Variants in ACTR3 observed in about 807,000 individuals in gnomAD.
The protein encoded by ACTR3 is actin-related protein 3.
In ACTR3, 12 loss-of-function variants were observed where a neutral mutation model predicts 56.8. That is an observed-to-expected ratio of 0.21 (90% confidence interval 0.14 to 0.34). ACTR3 has a LOEUF of 0.34. Ranked by LOEUF, ACTR3 falls within the 10% of genes least tolerant of loss-of-function variation. The probability of loss-of-function intolerance (pLI) is 1.00; values close to 1 mark genes in which losing one functional copy is unlikely to be tolerated. For missense variants in ACTR3, 282 were observed against 512.5 expected, an observed-to-expected ratio of 0.55 and a Z score of 4.34; for synonymous variants, 162 against 167.4, an observed-to-expected ratio of 0.97 and a Z score of 0.25.
chr2:113,929,038 A>G (rs1486128008), intron 4 of ACTR3, among the ~76,000 whole-genome samples: 1 of 151,842 alleles, frequency 6.6e-6, no homozygotes, highest in African/African-American at 2.4e-5. Context: ...TATACTGGTG[A>G]TTTGTTGCTT....
At chr2:113,895,660 T>C (rs763699252) in intron 1 of ACTR3, among the ~76,000 whole-genome samples, 4 of 152,176 alleles carry the variant, frequency 2.6e-5, no homozygotes, top group Non-Finnish European at 4.4e-5. Context: ...TAGGAAAAGA[T>C]TGGTTTTTTC....
intron 1 of ACTR3, among the ~76,000 whole-genome samples, chr2:113,903,585 G>T (rs922293220): frequency 6.7e-6 from 1 of 149,956 alleles, no homozygotes; most frequent in Non-Finnish European, 1.5e-5. Context: ...TGCTGGGCTA[G>T]AGTGCAGTAG....
chr2:113,930,290 G>T (rs1386778735), intron 4 of ACTR3, among the ~76,000 whole-genome samples: 2 of 151,898 alleles, frequency 1.3e-5, no homozygotes, highest in Non-Finnish European at 2.9e-5. Context: ...AACACCACAG[G>T]GAGTTTAGCT....
At chr2:113,931,534 T>A in intron 5 of ACTR3, 138 bp downstream of exon 5, 1 of 450,210 alleles carries the variant, frequency 2.2e-6, no homozygotes, top group Non-Finnish European at 3.9e-6. Context: ...CTCTCCTGAA[T>A]TGTTAATTTA....
Position 113,935,035 on chromosome 2 carries a change from C to CTT in ACTR3, c.540+662_540+663dup, listed in dbSNP as rs74265859. Among the ~76,000 whole-genome samples, 6 of 142,976 alleles carry CTT rather than the reference C, an allele frequency of 4.2e-5. No individual in the cohort carries two copies. The East Asian group carries it at 8.0e-4, about 19-fold the overall frequency. 93.8% of individuals were successfully genotyped at this position (142,976 alleles called of 152,430 possible). A position where few individuals can be genotyped will look rare whatever the true frequency, so the allele number is the denominator to read the frequency against. Reference sequence around the variant, plus strand: ...ACTTAAGGATTTACATTATTTTGAACTTTTTTTTTTTTTTATTCTCACTCC... The same window carrying CTT: ...ACTTAAGGATTTACATTATTTTGAACTTTTTTTTTTTTTTTTATTCTCACTCC... On this transcript the variant is annotated intron_variant, in intron 6 of 11. Transcript: ENST00000263238.
At position 113,931,312 on chromosome 2, in the gene ACTR3, A is replaced by G. The variant is rs1574370985; in HGVS notation, c.348A>G (p.Pro116=). ...ATTTATTTCAATAGACTGAACCTCCATTGAATACTCCAGAAAACAGGGAAT... is the reference window on the plus strand; with the variant it reads ...ATTTATTTCAATAGACTGAACCTCCGTTGAATACTCCAGAAAACAGGGAAT... ...EDHYFLLTEP[P]LNTPENREYT... is the part of the protein sequence containing the mutation. The change falls in exon 5 of 12, where the codon CCA becomes CCG. Residue 116 remains proline (P), a synonymous_variant. Transcript: ENST00000263238. The G allele has an allele frequency of 2.5e-6, 4 of 1,574,386 alleles. No individual in the cohort carries two copies. The highest frequency in any genetic ancestry group is 1.4e-5 in the African/African-American group (1 of 73,298).
chr2:113,939,141 A>C (rs1263117729), intron 6 of ACTR3, among the ~76,000 whole-genome samples: 1 of 151,096 alleles, frequency 6.6e-6, no homozygotes, highest in African/African-American at 2.4e-5. Flanking sequence ...CTCCTGCCTC[A>C]GCCTCCCGTG....
intron 1 of ACTR3, among the ~76,000 whole-genome samples, chr2:113,900,711 C>T (rs941723200): frequency 3.3e-5 from 5 of 152,172 alleles, no homozygotes; most frequent in Non-Finnish European, 7.3e-5. Context: ...AATGGTGGAA[C>T]AAGCATTCAG....
intron 1 of ACTR3, among the ~76,000 whole-genome samples, chr2:113,908,251 GTT>G (rs200328609): frequency 1.2e-4 from 17 of 136,662 alleles, no homozygotes; most frequent in South Asian, 6.9e-4. Flanking sequence ...GCTGTTAGCA[GTT>G]TTTTTTTTTT....
At chr2:113,905,024 G>GT (rs1679168280) in intron 1 of ACTR3, 1 of 152,052 alleles carries the variant, frequency 6.6e-6, no homozygotes, top group East Asian at 1.9e-4. Flanking sequence ...CTTTGGGTGT[G>GT]TTTTTGTAAA....
chr2:113,940,565 C>CT (rs943982593), intron 7 of ACTR3, among the ~76,000 whole-genome samples: 2 of 152,022 alleles, frequency 1.3e-5, no homozygotes, highest in Non-Finnish European at 2.9e-5. Flanking sequence ...AACATGAAGG[C>CT]TATCTAAAGT....
chr2:113,931,026 A>G (rs1456905210), intron 4 of ACTR3, among the ~76,000 whole-genome samples: 3 of 151,640 alleles, frequency 2.0e-5, no homozygotes, highest in Admixed American at 2.0e-4. Context: ...TCCCTGCTTC[A>G]TTTCTTTTTA....
chr2:113,902,561 C>T (rs1336270051), intron 1 of ACTR3, among the ~76,000 whole-genome samples: 1 of 151,524 alleles, frequency 6.6e-6, no homozygotes, highest in Non-Finnish European at 1.5e-5. Flanking sequence ...ATATATTTAA[C>T]TTGTTTCTCT....
At chr2:113,945,457 C>G (rs896218339) in intron 8 of ACTR3, among the ~76,000 whole-genome samples, 1 of 152,080 alleles carries the variant, frequency 6.6e-6, no homozygotes, top group African/African-American at 2.4e-5. Context: ...TCTTTCTAGA[C>G]TCTCTTTTCT....
At chr2:113,956,049 C>A (rs2104633506) in intron 11 of ACTR3, among the ~76,000 whole-genome samples, 1 of 151,904 alleles carries the variant, frequency 6.6e-6, no homozygotes, top group South Asian at 2.1e-4. Flanking sequence ...TGCTCCTGGC[C>A]TTTATTATTA....
rs1276115386 is a variant in ACTR3, at chr2:113,962,186, A to T, written c.*4731A>T. ...CACTAGTTTCTACCTTAGAAGTGAC[A>T]TTCTGCGTAAGGTAGTGGGGGATTA... is the stretch of plus-strand genomic sequence containing the variant. On this transcript the variant is annotated 3_prime_UTR_variant, in exon 12 of 12. Coordinates refer to ENST00000263238, the MANE Select transcript of ACTR3 (RefSeq NM_005721.5). 6.6e-6 allele frequency: 1 copy of T among 152,004 alleles called. No homozygotes were observed. Among genetic ancestry groups the T allele is most frequent in the East Asian group, 1.9e-4 (1 of 5,200 alleles). The allele number at this position is 152,004 out of a possible 1,614,324, so 9.4% of individuals were successfully genotyped here.
At chr2:113,935,890 A>C (rs10209655) in intron 6 of ACTR3, among the ~76,000 whole-genome samples, 202 of 152,272 alleles carry the variant, frequency 1.3e-3, no homozygotes, top group African/African-American at 4.6e-3. Context: ...TCTTTTCTTA[A>C]CAGCTGCACA....
intron 1 of ACTR3, among the ~76,000 whole-genome samples, chr2:113,895,984 G>A (rs969129232): frequency 1.6e-4 from 25 of 151,990 alleles, no homozygotes; most frequent in African/African-American, 6.0e-4. Flanking sequence ...TCAGTCCCCC[G>A]AGTAGCTGGG....
intron 8 of ACTR3, among the ~76,000 whole-genome samples, chr2:113,949,866 A>G (rs2104627372): frequency 6.6e-6 from 1 of 152,242 alleles, no homozygotes; most frequent in South Asian, 2.1e-4. Flanking sequence ...CCCAGCTTCA[A>G]GTTGTTTTTT....
Sources: allele counts gnomAD v4.1 joint callset (sites outside exome capture counted in the v4.1 genomes callset), GRCh38; gene constraint gnomAD v4.1.1; transcripts MANE v1.5; gene names NCBI Gene and HGNC (gene_info 2026-07-23, HGNC 2026-07-21).